The following SLC27A4 variants were observed in gnomAD, a reference collection of about 807,000 sequenced individuals.
The protein encoded by SLC27A4 is long-chain fatty acid transport protein 4.
In SLC27A4, 33 loss-of-function variants were observed where a neutral mutation model predicts 64.4. The observed-to-expected ratio is 0.51, with a 90% CI of 0.39 to 0.68. The LOEUF (loss-of-function observed/expected upper bound fraction) is 0.68, where lower values mean the gene tolerates loss of function less well. Ranked by LOEUF, SLC27A4 falls within the 30% of genes least tolerant of loss-of-function variation. SLC27A4 has a pLI of 0.00. For missense variants in SLC27A4, 824 were observed against 883.5 expected, an observed-to-expected ratio of 0.93 and a Z score of 0.85; for synonymous variants, 377 against 370.0, an observed-to-expected ratio of 1.02 and a Z score of -0.22.
chr9:128,345,366 T>C lies in SLC27A4; in HGVS notation c.373T>C (p.Ser125Pro). ...CTTCCTGCAGGCCCGGGGCCTGGCC[T>C]CGGGCGATGTGGCTGCCATCTTCAT... ...ANFLQARGLASGDVAAIFMEN... is the reference protein window; with the variant it reads ...ANFLQARGLAPGDVAAIFMEN... Residue 125 changes from serine to proline, a missense_variant, in exon 3 of 13, where the codon TCG becomes CCG. Coordinates refer to ENST00000300456, the MANE Select transcript of SLC27A4 (RefSeq NM_005094.4). This position sits in a 1 kb window ranked among gnomAD's most constrained non-coding sequence, Gnocchi z 4.1. 1 of 1,613,746 alleles carries C rather than the reference T, an allele frequency of 6.2e-7. No homozygotes were observed. The highest frequency in any genetic ancestry group is 8.5e-7 in the Non-Finnish European group (1 of 1,179,984).
At position 128,353,671 on chromosome 9, in the gene SLC27A4, C is replaced by T. The variant is rs948230651; in HGVS notation, c.1324+130C>T. 2.7e-5 allele frequency: 24 copies of T among 898,374 alleles called. No homozygotes were observed. Among genetic ancestry groups the T allele is most frequent in the Non-Finnish European group, 4.0e-5 (24 of 593,798 alleles). 55.7% of individuals were successfully genotyped at this position (898,374 alleles called of 1,614,324 possible). A position where few individuals can be genotyped will look rare whatever the true frequency, so the allele number is the denominator to read the frequency against. On this transcript the variant is annotated intron_variant, in intron 9 of 12. Coordinates refer to ENST00000300456, the MANE Select transcript of SLC27A4 (RefSeq NM_005094.4). This position sits in a 1 kb window ranked among gnomAD's most constrained non-coding sequence, Gnocchi z 4.9. ...TCTGCTCTTAGGGTTACAAGTTACT[C>T]ATTTATTTGTGTATCCATCCATTCA... is the stretch of plus-strand genomic sequence containing the variant.
In SLC27A4 at chr9:128,360,325, C is replaced by T; in HGVS notation, c.1775-9C>T. ...GCCCTGCACTGAGTCTTCTTCCCTGCTCTCCCAGGAACCTACAAGTTCCAG... is the reference window on the plus strand; with the variant it reads ...GCCCTGCACTGAGTCTTCTTCCCTGTTCTCCCAGGAACCTACAAGTTCCAG... On this transcript the variant is annotated splice_polypyrimidine_tract_variant and intron_variant, in intron 12 of 12. Transcript: ENST00000300456. 1 of 1,614,038 alleles carries T rather than the reference C, an allele frequency of 6.2e-7. No homozygotes were observed. Among genetic ancestry groups the T allele is most frequent in the Non-Finnish European group, 8.5e-7 (1 of 1,180,008 alleles).
At chr9:128,341,849 C>A (rs1328698317) in intron 1 of SLC27A4, among the ~76,000 whole-genome samples, 1 of 152,222 alleles carries the variant, frequency 6.6e-6, no homozygotes, top group African/African-American at 2.4e-5. Context: ...AGCAATTCTT[C>A]TGCCTCAGCC....
intron 2 of SLC27A4, among the ~76,000 whole-genome samples, chr9:128,344,033 A>G (rs1162506797): frequency 1.3e-5 from 2 of 152,180 alleles, no homozygotes; most frequent in Non-Finnish European, 2.9e-5. Flanking sequence ...TGATTGCAAA[A>G]GAAGGCACGG....
chr9:128,355,839 T>C (rs932049677), intron 12 of SLC27A4, 43 bp downstream of exon 12: 1 of 1,609,140 alleles, frequency 6.2e-7, no homozygotes, highest in Non-Finnish European at 8.5e-7. Context: ...CCAGGTCCCT[T>C]CCCGTTTCCT....
rs757141833 is a variant in SLC27A4, at chr9:128,355,060, G to T, written c.1332G>T (p.Pro444=). 1.9e-6 allele frequency: 3 copies of T among 1,609,812 alleles called. No individual in the cohort carries two copies. In the African/African-American group the frequency reaches 4.0e-5, roughly 22 times the overall value. ...CTGCCTTCCCCACCCCAGGTGAGCC[G>T]GGCCAGCTGGTGGGCCGCATCATCC... is the stretch of plus-strand genomic sequence containing the variant. The part of the protein sequence containing the change: ...GVCIPCQPGE[P]GQLVGRIIQK... The change falls in exon 10 of 13, where the codon CCG becomes CCT. Residue 444 remains proline, a synonymous_variant. Coordinates refer to ENST00000300456, the MANE Select transcript of SLC27A4 (RefSeq NM_005094.4).
At chr9:128,352,198 A>G (rs561491647) in intron 6 of SLC27A4, among the ~76,000 whole-genome samples, 1 of 151,964 alleles carries the variant, frequency 6.6e-6, no homozygotes. Flanking sequence ...CCGTCTCAAA[A>G]AAAAAAAAAA....
At chr9:128,342,105 A>G in intron 1 of SLC27A4, 1 of 741,528 alleles carries the variant, frequency 1.3e-6, no homozygotes, top group Non-Finnish European at 2.4e-6. Flanking sequence ...ATGTCAGAAG[A>G]GTGAACTGTC....
At chr9:128,341,449 C>G (rs541893624) in intron 1 of SLC27A4, among the ~76,000 whole-genome samples, 22 of 152,320 alleles carry the variant, frequency 1.4e-4, no homozygotes, top group African/African-American at 5.3e-4. Context: ...GCCCTAGACC[C>G]CAAAGATTCA....
chr9:128,355,057 G>A lies in SLC27A4; in HGVS notation c.1329G>A (p.Glu443=). Reference sequence around the variant, plus strand: ...ACCCTGCCTTCCCCACCCCAGGTGAGCCGGGCCAGCTGGTGGGCCGCATCA... The same window carrying A: ...ACCCTGCCTTCCCCACCCCAGGTGAACCGGGCCAGCTGGTGGGCCGCATCA... ...DGVCIPCQPG[E]PGQLVGRIIQ... Residue 443 remains glutamate (E), a synonymous_variant, in exon 10 of 13, where the codon GAG becomes GAA. Transcript: ENST00000300456. The A allele has an allele frequency of 1.2e-6, 2 of 1,609,580 alleles. No homozygotes were observed. The highest frequency in any genetic ancestry group is 1.7e-6 in the Non-Finnish European group (2 of 1,178,262).
At chr9:128,346,088 A>G (rs1057284339) in intron 3 of SLC27A4, among the ~76,000 whole-genome samples, 1 of 152,018 alleles carries the variant, frequency 6.6e-6, no homozygotes, top group Non-Finnish European at 1.5e-5. Context: ...TTTTGTAGAT[A>G]CTCAGTTTTG....
chr9:128,343,113 C>T lies in SLC27A4; in HGVS notation c.-6-14C>T. On this transcript the variant is annotated splice_polypyrimidine_tract_variant and intron_variant, in intron 1 of 12. Coordinates refer to ENST00000300456, the MANE Select transcript of SLC27A4 (RefSeq NM_005094.4). ...GTTGGGTGTTTGGGTCCACTAACTGCCCTGTGTCCGCAGGCCACAATGCTG... is the reference window on the plus strand; with the variant it reads ...GTTGGGTGTTTGGGTCCACTAACTGTCCTGTGTCCGCAGGCCACAATGCTG... The T allele has an allele frequency of 6.2e-7, 1 of 1,612,720 alleles. No individual in the cohort carries two copies. Among genetic ancestry groups the T allele is most frequent in the Admixed American group, 1.7e-5 (1 of 59,982 alleles).
At chr9:128,350,096 C>T (rs1459462555) in intron 4 of SLC27A4, among the ~76,000 whole-genome samples, 1 of 152,232 alleles carries the variant, frequency 6.6e-6, no homozygotes, top group African/African-American at 2.4e-5. Context: ...TCTCTCTCCA[C>T]CAGGGCCTAG....
chr9:128,350,658 G>C, intron 6 of SLC27A4, 83 bp downstream of exon 6: 1 of 1,099,564 alleles, frequency 9.1e-7, no homozygotes, highest in South Asian at 1.3e-5. Flanking sequence ...TGCTGCAGTA[G>C]AAACACACAG....
chr9:128,356,022 C>T (rs1159053122), intron 12 of SLC27A4, among the ~76,000 whole-genome samples: 1 of 143,684 alleles, frequency 7.0e-6, no homozygotes, highest in Non-Finnish European at 1.5e-5. Context: ...CCTCGGGATA[C>T]GGCTGGTGAG....
intron 2 of SLC27A4, 78 bp downstream of exon 2, chr9:128,343,371 G>A (rs954841353): frequency 6.3e-5 from 98 of 1,551,456 alleles, no homozygotes; most frequent in Non-Finnish European, 8.3e-5. Context: ...CCCCAGGCCA[G>A]ACCTCATGTT....
intron 2 of SLC27A4, among the ~76,000 whole-genome samples, chr9:128,344,933 A>G (rs572906731): frequency 5.9e-5 from 9 of 152,268 alleles, no homozygotes; most frequent in Admixed American, 3.9e-4. Flanking sequence ...GAGAGCCTTG[A>G]TTTCCTTCTG....
At chr9:128,346,880 C>T (rs571093379) in intron 3 of SLC27A4, among the ~76,000 whole-genome samples, 2 of 151,906 alleles carry the variant, frequency 1.3e-5, no homozygotes, top group Admixed American at 6.6e-5. Context: ...TGGTGCGCAC[C>T]TGTAGTCCCA....
In SLC27A4 at chr9:128,345,803, C is replaced by T. The variant is rs1832649001; in HGVS notation, c.556+254C>T. On this transcript the variant is annotated intron_variant, in intron 3 of 12. Transcript: ENST00000300456. This position sits in a 1 kb window ranked among gnomAD's most constrained non-coding sequence, Gnocchi z 4.1. Reference sequence around the variant, plus strand: ...GTACTTCAGACTGGGCATAGTGGCTCACAGCTGTAATCCCAGCATGTTGGG... The same window carrying T: ...GTACTTCAGACTGGGCATAGTGGCTTACAGCTGTAATCCCAGCATGTTGGG... 6.6e-6 allele frequency among the ~76,000 whole-genome samples: 1 copy of T among 152,224 alleles called. No individual in the cohort carries two copies. The highest frequency in any genetic ancestry group is 1.5e-5 in the Non-Finnish European group (1 of 68,030).
Sources: gnomAD v4.1 joint callset for allele counts (sites outside exome capture counted in the v4.1 genomes callset) on GRCh38, gnomAD v4.1.1 for gene constraint, Gnocchi (gnomAD v3.1) non-coding constraint, MANE v1.5 for transcripts, NCBI Gene and HGNC (gene_info 2026-07-23, HGNC 2026-07-21) for gene names.